Variants in SORCS1 observed in about 807,000 individuals in gnomAD.
SORCS1 encodes sortilin related VPS10 domain containing receptor 1.
A neutral mutation model predicts 146.1 loss-of-function variants in SORCS1; 60 were observed. The ratio of observed to expected loss-of-function variants is 0.41; its 90% CI spans 0.33 to 0.51. SORCS1 has a LOEUF of 0.51. Ranked by LOEUF, SORCS1 falls within the 20% of genes least tolerant of loss-of-function variation. SORCS1 has a pLI of 0.21. For missense variants in SORCS1, 1,352 were observed against 1,487.6 expected (o/e 0.91, Z 1.50); for synonymous variants, 637 against 584.0 (o/e 1.09, Z -1.31).
intron 1 of SORCS1, among the ~76,000 whole-genome samples, chr10:107,034,252 A>G (rs762142996): frequency 7.9e-5 from 12 of 152,186 alleles, no homozygotes; most frequent in Non-Finnish European, 4.4e-5. Context: ...TAGTCAGTCA[A>G]TACAGTTGGC....
chr10:107,153,592 AACAG>A (rs951685587), intron 1 of SORCS1, among the ~76,000 whole-genome samples: 1 of 152,316 alleles, frequency 6.6e-6, no homozygotes, highest in African/African-American at 2.4e-5. Context: ...ATACTCAGGA[AACAG>A]ACAGAGTGAT....
intron 9 of SORCS1, 110 bp downstream of exon 9, chr10:106,699,104 G>A: frequency 1.1e-6 from 1 of 900,342 alleles, no homozygotes; most frequent in East Asian, 2.8e-5. Flanking sequence ...AGAGAAATGA[G>A]GCCACATAAG....
intron 1 of SORCS1, among the ~76,000 whole-genome samples, chr10:106,970,589 G>A (rs1313448367): frequency 1.3e-5 from 2 of 152,142 alleles, no homozygotes; most frequent in East Asian, 1.9e-4. Context: ...TGATTTGCCC[G>A]CCTTGGCCTC....
intron 23 of SORCS1, among the ~76,000 whole-genome samples, chr10:106,598,331 A>T (rs1846034036): frequency 6.6e-6 from 1 of 151,082 alleles, no homozygotes; most frequent in African/African-American, 2.4e-5. Context: ...GCACAATCTC[A>T]GCTCACCGCA....
intron 2 of SORCS1, among the ~76,000 whole-genome samples, chr10:106,862,891 GA>G (rs1163890985): frequency 6.0e-5 from 9 of 150,382 alleles, no homozygotes; most frequent in Admixed American, 4.6e-4. Flanking sequence ...CCAAAGTCAT[GA>G]AAAGAATCCA....
At chr10:106,701,837 C>A (rs1165158606) in intron 8 of SORCS1, among the ~76,000 whole-genome samples, 1 of 152,194 alleles carries the variant, frequency 6.6e-6, no homozygotes, top group African/African-American at 2.4e-5. Context: ...ATAGGTCCCC[C>A]ATGGAGTGGT....
intron 24 of SORCS1, among the ~76,000 whole-genome samples, chr10:106,584,266 T>C (rs1457896805): frequency 3.3e-5 from 5 of 152,202 alleles, no homozygotes; most frequent in Admixed American, 6.5e-5. Flanking sequence ...CTTCCCTCCA[T>C]TTAGAAACAA....
intron 1 of SORCS1, among the ~76,000 whole-genome samples, chr10:106,996,491 T>C (rs1356893523): frequency 4.6e-5 from 7 of 152,204 alleles, no homozygotes; most frequent in Admixed American, 1.3e-4. Context: ...TTTCTCCCTA[T>C]ACCAGTGAAT....
Position 106,800,513 on chromosome 10 carries a change from CTTTTTTTTT to C in SORCS1, c.727-23830_727-23822del, listed in dbSNP as rs763659103. On this transcript the variant is annotated intron_variant, in intron 3 of 25. Transcript: ENST00000263054. ...AAAGATACATAGGTTCTAGGTGAATCTTTTTTTTTTTTTTTTTTTTTTTTTTAAGATGGA... is the reference window on the plus strand; with the variant it reads ...AAAGATACATAGGTTCTAGGTGAATCTTTTTTTTTTTTTTTTTAAGATGGA... Among the ~76,000 whole-genome samples, 3 of 89,078 alleles carry C rather than the reference CTTTTTTTTT, an allele frequency of 3.4e-5. No homozygotes were observed. The East Asian group carries it at 1.1e-3, about 32-fold the overall frequency. 58.4% of individuals were successfully genotyped at this position (89,078 alleles called of 152,430 possible). A position where few individuals can be genotyped will look rare whatever the true frequency, so the allele number is the denominator to read the frequency against.
chr10:106,794,608 T>C (rs2136556911), intron 3 of SORCS1, among the ~76,000 whole-genome samples: 1 of 150,518 alleles, frequency 6.6e-6, no homozygotes, highest in East Asian at 2.0e-4. Flanking sequence ...GTTCACGCCA[T>C]TCTCCTGCCT....
At chr10:106,666,548 C>T (rs964022169) in intron 17 of SORCS1, among the ~76,000 whole-genome samples, 92 of 147,736 alleles carry the variant, frequency 6.2e-4, no homozygotes, top group African/African-American at 2.3e-3. Flanking sequence ...TACAATAAAT[C>T]TCTCTCTTTT....
chr10:106,784,938 C>T (rs1182726566), intron 3 of SORCS1, among the ~76,000 whole-genome samples: 1 of 152,126 alleles, frequency 6.6e-6, no homozygotes, highest in African/African-American at 2.4e-5. Context: ...AGTTGAAAGT[C>T]AGGAAAGTAA....
chr10:107,054,285 G>A (rs1960393385), intron 1 of SORCS1, among the ~76,000 whole-genome samples: 1 of 152,170 alleles, frequency 6.6e-6, no homozygotes, highest in Non-Finnish European at 1.5e-5. Flanking sequence ...ACTGTGATAG[G>A]TTGGTGAGGC....
intron 1 of SORCS1, among the ~76,000 whole-genome samples, chr10:107,010,058 A>G (rs949001938): frequency 8.5e-5 from 13 of 152,328 alleles, no homozygotes; most frequent in African/African-American, 3.1e-4. Context: ...CTCAGTTCTG[A>G]AAAAAGAATC....
chr10:106,701,725 T>C (rs1172625340), intron 8 of SORCS1, among the ~76,000 whole-genome samples: 1 of 152,226 alleles, frequency 6.6e-6, no homozygotes, highest in Non-Finnish European at 1.5e-5. Context: ...GAATGGACTT[T>C]GGAGTAAAAC....
chr10:106,792,848 T>A (rs1304740953), intron 3 of SORCS1, among the ~76,000 whole-genome samples: 1 of 152,162 alleles, frequency 6.6e-6, no homozygotes, highest in Non-Finnish European at 1.5e-5. Flanking sequence ...AAAATTAAAA[T>A]TTTTAGAATC....
intron 3 of SORCS1, among the ~76,000 whole-genome samples, chr10:106,785,988 T>G (rs1946037159): frequency 6.6e-6 from 1 of 152,384 alleles, no homozygotes; most frequent in South Asian, 2.1e-4. Flanking sequence ...TTACATCATC[T>G]GCTGCTTTCC....
chr10:106,596,855 GAGACTAAGTATAAAATATTAC>G (rs1380798167), intron 24 of SORCS1, among the ~76,000 whole-genome samples: 4 of 152,176 alleles, frequency 2.6e-5, no homozygotes, highest in Non-Finnish European at 5.9e-5. Flanking sequence ...GTTTTTGCCA[GAGACTAAGTATAAAATATTAC>G]CTTCTCACTG....
At position 106,895,431 on chromosome 10, in the gene SORCS1, TA is replaced by T. The variant is rs1206108377; in HGVS notation, c.626+61081del. The stretch of plus-strand genomic sequence containing the variant: ...TTCAAGACCAGCCTGACAAACATGG[TA>T]AAACCTGGTCTCTACTAAACATACA... On this transcript the variant is annotated intron_variant, in intron 2 of 25. Transcript: ENST00000263054. Among the ~76,000 whole-genome samples the T allele has an allele frequency of 7.9e-5, 12 of 152,178 alleles. 1 individual carries two copies. The highest frequency in any genetic ancestry group is 2.4e-4 in the African/African-American group (10 of 41,516).
Sources: gnomAD v4.1 joint callset for allele counts (sites outside exome capture counted in the v4.1 genomes callset) on GRCh38, gnomAD v4.1.1 for gene constraint, MANE v1.5 for transcripts, NCBI Gene and HGNC (gene_info 2026-07-23, HGNC 2026-07-21) for gene names.